The following FRMD3 variants were observed in gnomAD, a reference collection of about 807,000 sequenced individuals.
FRMD3 encodes the protein FERM domain-containing protein 3.
In FRMD3, 33 loss-of-function variants were observed where a neutral mutation model predicts 70.2. The observed-to-expected ratio is 0.47, with a 90% CI of 0.36 to 0.63. FRMD3 has a LOEUF of 0.63. Among genes scored for constraint, FRMD3 ranks in the 20% least tolerant of loss-of-function variants. The probability of loss-of-function intolerance (pLI) is 0.00; values close to 1 mark genes in which losing one functional copy is unlikely to be tolerated. For synonymous variants in FRMD3, 279 were observed against 255.9 expected, an observed-to-expected ratio of 1.09 and a Z score of -0.86; for missense variants, 632 against 711.4, an observed-to-expected ratio of 0.89 and a Z score of 1.27.
At chr9:83,399,655 A>T (rs907776788) in intron 1 of FRMD3, among the ~76,000 whole-genome samples, 1 of 152,234 alleles carries the variant, frequency 6.6e-6, no homozygotes, top group African/African-American at 2.4e-5. Context: ...TAATTAACTT[A>T]TCCAAAGTCA....
downstream of FRMD3, among the ~76,000 whole-genome samples, chr9:83,244,134 C>CAA (rs776624062): frequency 1.7e-5 from 1 of 58,526 alleles, no homozygotes; most frequent in African/African-American, 3.8e-5. Flanking sequence ...ATCATCATCT[C>CAA]AAAAAAAAAA....
intron 1 of FRMD3, among the ~76,000 whole-genome samples, chr9:83,521,073 A>T (rs1235440155): frequency 6.7e-6 from 1 of 150,290 alleles, no homozygotes; most frequent in Non-Finnish European, 1.5e-5. Flanking sequence ...TGGGAGATGG[A>T]GGTTGCAGTG....
intron 6 of FRMD3, among the ~76,000 whole-genome samples, chr9:83,323,463 C>T (rs906296242): frequency 2.0e-5 from 3 of 152,202 alleles, no homozygotes; most frequent in South Asian, 4.1e-4. Flanking sequence ...CCCAAAGTCA[C>T]AGTATTAAGA....
chr9:83,247,384 C>CTT lies in FRMD3; in HGVS notation c.*532_*533dup, dbSNP rs10646229. 367,793 of 899,724 alleles carry CTT rather than the reference C, an allele frequency of 0.41. 21,992 individuals are homozygous for CTT. Among genetic ancestry groups the CTT allele is most frequent in the Admixed American group, 0.45 (7,102 of 15,700 alleles). 55.7% of individuals were successfully genotyped at this position (899,724 alleles called of 1,614,324 possible). ...ACATGTAAATAACTCCAGGAGGCTTCTTTTTTTTTTTTGCTAAAAATTTAC... is the reference window on the plus strand; with the variant it reads ...ACATGTAAATAACTCCAGGAGGCTTCTTTTTTTTTTTTTTGCTAAAAATTTAC... On this transcript the variant is annotated 3_prime_UTR_variant, in exon 14 of 14. Coordinates refer to ENST00000304195, the MANE Select transcript of FRMD3 (RefSeq NM_174938.6).
At chr9:83,274,342 A>G (rs61583492) in intron 13 of FRMD3, among the ~76,000 whole-genome samples, 5,003 of 152,128 alleles carry the variant, frequency 0.033, 175 homozygotes, top group African/African-American at 0.092. Flanking sequence ...GCAGTCCCCA[A>G]GGGCAGGGCA....
chr9:83,438,646 C>T (rs1248754118), intron 1 of FRMD3, among the ~76,000 whole-genome samples: 9 of 152,146 alleles, frequency 5.9e-5, no homozygotes, highest in Admixed American at 2.6e-4. Flanking sequence ...GTGATCCACC[C>T]GCCTCTGCCT....
chr9:83,336,514 G>C (rs1823584710), intron 5 of FRMD3, among the ~76,000 whole-genome samples: 1 of 150,590 alleles, frequency 6.6e-6, no homozygotes, highest in Non-Finnish European at 1.5e-5. Context: ...ATGCAGGTGT[G>C]GCTTATTCAT....
chr9:83,397,152 C>T (rs543399932), intron 1 of FRMD3, among the ~76,000 whole-genome samples: 7 of 152,272 alleles, frequency 4.6e-5, no homozygotes, highest in African/African-American at 1.4e-4. Context: ...ATGCTAGCTG[C>T]CCTTGAAAAG....
At chr9:83,262,362 A>C (rs1440358227) in intron 13 of FRMD3, among the ~76,000 whole-genome samples, 1 of 152,180 alleles carries the variant, frequency 6.6e-6, no homozygotes, top group Non-Finnish European at 1.5e-5. Context: ...TGCACTGCTC[A>C]CATCTGTCAT....
upstream of FRMD3, among the ~76,000 whole-genome samples, chr9:83,540,408 G>C (rs1296033088): frequency 6.6e-6 from 1 of 152,180 alleles, no homozygotes; most frequent in Non-Finnish European, 1.5e-5. Flanking sequence ...GGACAGTAGT[G>C]AAAAAGACAG....
In FRMD3 at chr9:83,248,223, C is replaced by T; in HGVS notation, c.1489G>A (p.Glu497Lys). The T allele has an allele frequency of 1.2e-6, 2 of 1,614,170 alleles. No homozygotes were observed. Among genetic ancestry groups the T allele is most frequent in the East Asian group, 2.2e-5 (1 of 44,884 alleles). Residue 497 changes from glutamate (E) to lysine (K), a missense_variant, in exon 14 of 14, where the codon GAA (glutamate) becomes AAA (lysine). By Grantham distance (56) the Glu-to-Lys change is moderately conservative. Transcript: ENST00000304195. ...CGAGCCTCCTTCAGCTCCTCTTCTT[C>T]AGCAATCAAAAAGGCGTTTTCATCT... ...EADENAFLIAEEEELKEARRA... is the reference protein window; with the variant it reads ...EADENAFLIAKEEELKEARRA...
intron 13 of FRMD3, 21 bp from the exon 14 acceptor site, chr9:83,248,537 T>C: frequency 6.5e-7 from 1 of 1,532,932 alleles, no homozygotes; most frequent in African/African-American, 1.4e-5. Context: ...ACATTTTTTT[T>C]TCTAAATTTA....
chr9:83,570,877 G>A, the FRMD3 span, among the ~76,000 whole-genome samples: 1 of 152,196 alleles, frequency 6.6e-6, no homozygotes, highest in Admixed American at 6.5e-5. Context: ...AGGAGGTGGT[G>A]AGGAGTGACT....
Position 83,514,104 on chromosome 9 carries a change from C to G in FRMD3, c.147+23981G>C, listed in dbSNP as rs906756025. On this transcript the variant is annotated intron_variant, in intron 1 of 13. Coordinates refer to ENST00000304195, the MANE Select transcript of FRMD3 (RefSeq NM_174938.6). ...ACCCCAGTGGCACCTGGAGCACCAA[C>G]AAGACAGAACTATTCACTCCCCTGG... Among the ~76,000 whole-genome samples, 4 of 152,106 alleles carry G rather than the reference C, an allele frequency of 2.6e-5. No individual in the cohort carries two copies. The East Asian group carries it at 7.7e-4, about 29-fold the overall frequency.
At chr9:83,436,711 A>G (rs1024546829) in intron 1 of FRMD3, among the ~76,000 whole-genome samples, 3 of 151,862 alleles carry the variant, frequency 2.0e-5, no homozygotes, top group African/African-American at 7.3e-5. Context: ...TGCCATCCCA[A>G]AAATAACCAT....
At chr9:83,456,831 T>C (rs1031108373) in intron 1 of FRMD3, among the ~76,000 whole-genome samples, 1 of 151,874 alleles carries the variant, frequency 6.6e-6, no homozygotes. Context: ...AATACAAAAA[T>C]TAGCTGGGCA....
the FRMD3 span, among the ~76,000 whole-genome samples, chr9:83,578,104 G>A: frequency 3.9e-4 from 59 of 151,412 alleles, no homozygotes; most frequent in African/African-American, 1.4e-3. Context: ...AGACACAAAC[G>A]GCCTGCCAAC....
chr9:83,321,632 G>T (rs1358718041), intron 6 of FRMD3, among the ~76,000 whole-genome samples: 1 of 152,138 alleles, frequency 6.6e-6, no homozygotes, highest in Non-Finnish European at 1.5e-5. Flanking sequence ...TCCATGTACT[G>T]ATGAAAAGAA....
chr9:83,250,719 T>G (rs1380741351), intron 13 of FRMD3, among the ~76,000 whole-genome samples: 2 of 152,190 alleles, frequency 1.3e-5, no homozygotes, highest in Non-Finnish European at 2.9e-5. Context: ...TACCCCACAA[T>G]GTAGCACAGC....
Sources: gnomAD v4.1 joint callset for allele counts (sites outside exome capture counted in the v4.1 genomes callset) on GRCh38, gnomAD v4.1.1 for gene constraint, MANE v1.5 for transcripts, NCBI Gene and HGNC (gene_info 2026-07-23, HGNC 2026-07-21) for gene names.